DNAJC2: variants seen among roughly 807,000 people sequenced by gnomAD.
DNAJC2 encodes dnaJ homolog subfamily C member 2.
In DNAJC2, 32 loss-of-function variants were observed where a neutral mutation model predicts 94.0. The observed-to-expected ratio is 0.34, with a 90% CI of 0.26 to 0.46. The LOEUF (loss-of-function observed/expected upper bound fraction) is 0.46. Ranked by LOEUF, DNAJC2 falls within the 20% of genes least tolerant of loss-of-function variation. The probability of loss-of-function intolerance (pLI) is 1.00; values close to 1 mark genes in which losing one functional copy is unlikely to be tolerated. For missense variants in DNAJC2, 550 were observed against 719.5 expected (o/e 0.76, Z 2.69); for synonymous variants, 210 against 229.7 (o/e 0.91, Z 0.77).
At position 103,321,454 on chromosome 7, in the gene DNAJC2, G is replaced by A. The variant is rs2115865261; in HGVS notation, c.1083+478C>T. Among the ~76,000 whole-genome samples, 2 of 151,668 alleles carry A rather than the reference G, an allele frequency of 1.3e-5. 1 individual carries two copies. Among genetic ancestry groups the A allele is most frequent in the South Asian group, 4.2e-4 (2 of 4,804 alleles). ...AGTTGCTTGAACCCAGGAGGCGGGGGTTGCAGTGAGCCAAAATCGTGCCAT... is the reference window on the plus strand; with the variant it reads ...AGTTGCTTGAACCCAGGAGGCGGGGATTGCAGTGAGCCAAAATCGTGCCAT... On this transcript the variant is annotated intron_variant, in intron 10 of 16. Coordinates refer to ENST00000379263, the MANE Select transcript of DNAJC2 (RefSeq NM_014377.3).
In DNAJC2 at chr7:103,337,749, C is replaced by G. The variant is rs1156777048; in HGVS notation, c.318G>C (p.Gln106His). ...GHVRYKATQR[Q>H]IKAAHKAMVL... Reference sequence around the variant, plus strand: ...CTAAGTACTTACGAGCTGCTTTGATCTGTCTCTGTGTAGCCTTGTATCTCA... The same window carrying G: ...CTAAGTACTTACGAGCTGCTTTGATGTGTCTCTGTGTAGCCTTGTATCTCA... Residue 106 changes from glutamine (Q) to histidine (H), a missense_variant, in exon 3 of 17, where the codon CAG becomes CAC. Around this residue, in one of 2 missense-constraint regions of DNAJC2, gnomAD observed 279 missense variants for 416.9 expected, o/e 0.67. Transcript: ENST00000379263. The G allele has an allele frequency of 6.2e-7, 1 of 1,613,382 alleles. No individual in the cohort carries two copies.
chr7:103,313,330 T>G, intron 15 of DNAJC2: 1 of 1,281,342 alleles, frequency 7.8e-7, no homozygotes, highest in Non-Finnish European at 9.8e-7. Flanking sequence ...TAAAACACAA[T>G]AGTAAAGATC....
intron 12 of DNAJC2, 52 bp from the exon 13 acceptor site, chr7:103,317,066 TAC>T: frequency 6.8e-7 from 1 of 1,475,524 alleles, no homozygotes; most frequent in Non-Finnish European, 9.3e-7. Flanking sequence ...ATTGCTATTC[TAC>T]ACTCTCTTCC....
chr7:103,329,956 A>G (rs1409930312), intron 3 of DNAJC2, among the ~76,000 whole-genome samples: 1 of 152,208 alleles, frequency 6.6e-6, no homozygotes, highest in Non-Finnish European at 1.5e-5. Flanking sequence ...CCAAAATAGC[A>G]TAAAAAATAA....
At position 103,327,675 on chromosome 7, in the gene DNAJC2, G is replaced by A; in HGVS notation, c.411C>T (p.Tyr137=). Residue 137 remains tyrosine (Y), a synonymous_variant, in exon 4 of 17, where the codon TAC becomes TAT. Coordinates refer to ENST00000379263, the MANE Select transcript of DNAJC2 (RefSeq NM_014377.3). ...GEPIKEGDND[Y]FTCITKAYEM... ...TCTTACCTTTAGTTATGCAAGTGAAGTAGTCATTATCTCCTTCTTTTATTG... is the reference window on the plus strand; with the variant it reads ...TCTTACCTTTAGTTATGCAAGTGAAATAGTCATTATCTCCTTCTTTTATTG... 1.2e-6 allele frequency: 2 copies of A among 1,607,708 alleles called. No individual in the cohort carries two copies. The highest frequency in any genetic ancestry group is 1.7e-6 in the Non-Finnish European group (2 of 1,175,286).
chr7:103,315,893 A>G (rs777939665), intron 14 of DNAJC2, 22 bp from the exon 15 acceptor site: 20 of 1,572,670 alleles, frequency 1.3e-5, no homozygotes, highest in Non-Finnish European at 1.7e-5. Flanking sequence ...AAAAAATTTA[A>G]TACTTAACAG....
intron 3 of DNAJC2, chr7:103,329,539 T>C (rs1237768341): frequency 1.3e-5 from 2 of 152,268 alleles, no homozygotes; most frequent in African/African-American, 4.8e-5. Context: ...ACAATAGTTC[T>C]AGTTTCATTA....
intron 2 of DNAJC2, among the ~76,000 whole-genome samples, chr7:103,340,764 C>T (rs776900679): frequency 2.0e-5 from 3 of 152,218 alleles, no homozygotes; most frequent in Admixed American, 6.5e-5. Flanking sequence ...TTCAATTCCT[C>T]ACAGCAACCA....
At chr7:103,312,866 C>T in intron 16 of DNAJC2, 81 bp downstream of exon 16, 1 of 1,549,058 alleles carries the variant, frequency 6.5e-7, no homozygotes, top group Non-Finnish European at 8.7e-7. Context: ...TTATTAACCA[C>T]TTAATAGACA....
At chr7:103,314,340 A>G in intron 15 of DNAJC2, 3 of 985,442 alleles carry the variant, frequency 3.0e-6, no homozygotes, top group Non-Finnish European at 3.6e-6. Context: ...AAATGGTGCC[A>G]GCTTGCTGTT....
In DNAJC2 at chr7:103,324,534, G is replaced by T; in HGVS notation, c.601C>A (p.Leu201Ile). ...TCAAATGATGAATTCATATCACCAAGTTTAGGAACATTTTTTTTATTTGAC... is the reference window on the plus strand; with the variant it reads ...TCAAATGATGAATTCATATCACCAATTTTAGGAACATTTTTTTTATTTGAC... ...RWSNKKNVPKLGDMNSSFEDV... is the reference protein window; with the variant it reads ...RWSNKKNVPKIGDMNSSFEDV... Residue 201 changes from leucine to isoleucine, a missense_variant, in exon 6 of 17, where the codon CTT (leucine) becomes ATT (isoleucine). Physicochemically the swap from Leu to Ile is conservative, Grantham distance 5 (BLOSUM62 2). Around this residue, in one of 2 missense-constraint regions of DNAJC2, gnomAD observed 279 missense variants for 416.9 expected, o/e 0.67. Coordinates refer to ENST00000379263, the MANE Select transcript of DNAJC2 (RefSeq NM_014377.3). The T allele has an allele frequency of 6.7e-7, 1 of 1,487,320 alleles. No homozygotes were observed. The highest frequency in any genetic ancestry group is 9.0e-7 in the Non-Finnish European group (1 of 1,106,872). The allele number at this position is 1,487,320 out of a possible 1,614,324, so 92.1% of individuals were successfully genotyped here.
intron 2 of DNAJC2, among the ~76,000 whole-genome samples, chr7:103,338,646 T>C (rs1819266354): frequency 1.3e-5 from 2 of 151,920 alleles, no homozygotes; most frequent in African/African-American, 4.8e-5. Context: ...GCATGCCAGC[T>C]TACGCCTGTA....
At chr7:103,327,119 A>C (rs556955363) in intron 4 of DNAJC2, among the ~76,000 whole-genome samples, 21 of 152,316 alleles carry the variant, frequency 1.4e-4, no homozygotes, top group African/African-American at 4.8e-4. Flanking sequence ...ACATTTAAGG[A>C]AACATTTAGA....
chr7:103,328,007 G>A (rs1384597218), intron 3 of DNAJC2, among the ~76,000 whole-genome samples: 1 of 152,016 alleles, frequency 6.6e-6, no homozygotes, highest in African/African-American at 2.4e-5. Context: ...TGCAACCTCC[G>A]CCTCCCGGGT....
chr7:103,316,905 C>A lies in DNAJC2; in HGVS notation c.1352G>T (p.Ser451Ile). 8.7e-6 allele frequency: 14 copies of A among 1,614,042 alleles called. No homozygotes were observed. The highest frequency in any genetic ancestry group is 1.0e-5 in the Non-Finnish European group (12 of 1,179,970). ...TAGATCATCTTCTGACCAATTTTTA[C>A]TTCCATTTCCACCTCCACCAGTTGA... ...EKSTGGGGNG[S>I]KNWSEDDLQL... The change falls in exon 13 of 17, where the codon AGT becomes ATT. Residue 451 changes from serine (S) to isoleucine (I), a missense_variant. Around this residue, in one of 2 missense-constraint regions of DNAJC2, gnomAD observed 271 missense variants for 302.6 expected, o/e 0.90. Coordinates refer to ENST00000379263, the MANE Select transcript of DNAJC2 (RefSeq NM_014377.3).
intron 14 of DNAJC2, 42 bp downstream of exon 14, chr7:103,315,946 A>C: frequency 6.4e-7 from 1 of 1,553,722 alleles, no homozygotes; most frequent in Non-Finnish European, 8.8e-7. Context: ...GTTATTTTAA[A>C]AATAGGTGTT....
chr7:103,328,821 C>T (rs1818844420), intron 3 of DNAJC2: 1 of 296,780 alleles, frequency 3.4e-6, no homozygotes, highest in Non-Finnish European at 6.4e-6. Context: ...AGGCATTTCT[C>T]TACTGTTGGA....
intron 4 of DNAJC2, 61 bp from the exon 5 acceptor site, chr7:103,326,745 A>AACAAGTATTTCCCTC: frequency 6.7e-7 from 1 of 1,487,376 alleles, no homozygotes; most frequent in African/African-American, 1.4e-5. Flanking sequence ...CCTGCAAGAA[A>AACAAGTATTTCCCTC]ACAAGTATTT....
At chr7:103,342,903 C>A (rs965511491) in intron 1 of DNAJC2, among the ~76,000 whole-genome samples, 1 of 152,202 alleles carries the variant, frequency 6.6e-6, no homozygotes, top group Non-Finnish European at 1.5e-5. Flanking sequence ...CCACCGCGCC[C>A]GGCCTAGACA....
Sources: gnomAD v4.1 joint callset for allele counts (sites outside exome capture counted in the v4.1 genomes callset) on GRCh38, gnomAD v4.1.1 for gene constraint, gnomAD v4.1.1 regional missense constraint, MANE v1.5 for transcripts, NCBI Gene and HGNC (gene_info 2026-07-23, HGNC 2026-07-21) for gene names.